The following DPYD variants were observed in gnomAD, a reference collection of about 807,000 sequenced individuals.
The protein encoded by DPYD is dihydropyrimidine dehydrogenase.
DPYD carries 109 observed loss-of-function variants against 116.2 expected under a neutral mutation model. The observed-to-expected ratio is 0.94, with a 90% CI of 0.80 to 1.10. DPYD has a LOEUF of 1.10. Among genes scored for constraint, DPYD ranks in the 50% least tolerant of loss-of-function variants. The pLI is 0.00. For synonymous variants in DPYD, 440 were observed against 432.0 expected (o/e 1.02, Z -0.23); for missense variants, 1,302 against 1,254.5 (o/e 1.04, Z -0.57).
chr1:97,887,468 T>C (rs1180563623), intron 1 of DPYD, among the ~76,000 whole-genome samples: 1 of 20,748 alleles, frequency 4.8e-5, no homozygotes, highest in Non-Finnish European at 8.6e-5. Context: ...AGACTCTGCA[T>C]TAAAAAAAAA....
At chr1:97,257,377 T>C (rs1021504600) in intron 18 of DPYD, among the ~76,000 whole-genome samples, 1 of 151,044 alleles carries the variant, frequency 6.6e-6, no homozygotes, top group African/African-American at 2.4e-5. Context: ...AAATGTATTT[T>C]CTGAGAGCAT....
At position 97,830,771 on chromosome 1, in the gene DPYD, A is replaced by T. The variant is rs141124359; in HGVS notation, c.151-2575T>A. 9.1e-3 allele frequency among the ~76,000 whole-genome samples: 1,389 copies of T among 151,974 alleles called. 25 individuals carry two copies. The highest frequency in any genetic ancestry group is 0.032 in the African/African-American group (1,319 of 41,466). On this transcript the variant is annotated intron_variant, in intron 2 of 22. Transcript: ENST00000370192. ...TGGACACTGAGAGACTGTAGTAGCCACACTGAGTAGCCACACTGAGCGCTC... is the reference window on the plus strand; with the variant it reads ...TGGACACTGAGAGACTGTAGTAGCCTCACTGAGTAGCCACACTGAGCGCTC...
intron 3 of DPYD, among the ~76,000 whole-genome samples, chr1:97,814,951 A>G (rs374579682): frequency 6.6e-6 from 1 of 150,880 alleles, no homozygotes; most frequent in African/African-American, 2.4e-5. Context: ...GAAAGAAAGA[A>G]AGAAAGGAGA....
intron 13 of DPYD, among the ~76,000 whole-genome samples, chr1:97,477,617 T>C: frequency 7.0e-6 from 1 of 142,060 alleles, no homozygotes; most frequent in Non-Finnish European, 1.5e-5. Context: ...TTTTTTTTTT[T>C]TTTTTTTTTT....
intron 4 of DPYD, among the ~76,000 whole-genome samples, chr1:97,724,294 GGGGGGGGGGGGGGGTGTGTGTGTGTGT>G (rs1376832787): frequency 6.7e-5 from 1 of 14,986 alleles, no homozygotes; most frequent in Non-Finnish European, 1.4e-4. Flanking sequence ...GGATGTATGT[GGGGGGGGGGGGGGGTGTGTGTGTGTGT>G]GTGTGTGTGT....
intron 1 of DPYD, among the ~76,000 whole-genome samples, chr1:97,903,146 T>A (rs1393354322): frequency 1.3e-5 from 2 of 151,884 alleles, no homozygotes; most frequent in African/African-American, 4.8e-5. Context: ...TTTACACACT[T>A]GTTAAGATTT....
intron 1 of DPYD, among the ~76,000 whole-genome samples, chr1:97,889,925 T>G (rs567271669): frequency 1.3e-5 from 2 of 151,566 alleles, no homozygotes; most frequent in African/African-American, 4.8e-5. Context: ...TGGAATAGAA[T>G]TAGATATCAA....
chr1:97,715,161 A>G (rs1357696630), intron 5 of DPYD, among the ~76,000 whole-genome samples: 1 of 152,068 alleles, frequency 6.6e-6, no homozygotes, highest in Non-Finnish European at 1.5e-5. Flanking sequence ...CCAAAATGGG[A>G]AAAAAATTAC....
At chr1:97,080,143 C>T (rs949872004) in intron 22 of DPYD, among the ~76,000 whole-genome samples, 4 of 151,908 alleles carry the variant, frequency 2.6e-5, no homozygotes, top group African/African-American at 9.7e-5. Flanking sequence ...ACTTGCCTGG[C>T]AGTCTCACTT....
chr1:97,766,585 C>T (rs1242158296), intron 3 of DPYD, among the ~76,000 whole-genome samples: 1 of 152,088 alleles, frequency 6.6e-6, no homozygotes, highest in Admixed American at 6.6e-5. Context: ...TTGTTAACAC[C>T]TCTGAAAGAA....
chr1:97,755,594 C>T (rs1429693993), intron 3 of DPYD, among the ~76,000 whole-genome samples: 1 of 152,176 alleles, frequency 6.6e-6, no homozygotes, highest in East Asian at 1.9e-4. Context: ...CAAATCATCC[C>T]TTCTTTCAAC....
chr1:97,911,313 A>G (rs1429905908), intron 1 of DPYD, among the ~76,000 whole-genome samples: 1 of 152,044 alleles, frequency 6.6e-6, no homozygotes, highest in Non-Finnish European at 1.5e-5. Context: ...GAAAGGGGTG[A>G]TGGGCACTAA....
At chr1:97,832,867 G>T (rs1669601994) in intron 2 of DPYD, among the ~76,000 whole-genome samples, 1 of 151,864 alleles carries the variant, frequency 6.6e-6, no homozygotes, top group African/African-American at 2.4e-5. Flanking sequence ...TAATATACAA[G>T]GAGATTTCAG....
intron 18 of DPYD, among the ~76,000 whole-genome samples, chr1:97,260,863 C>T (rs906366724): frequency 1.3e-5 from 2 of 151,918 alleles, no homozygotes; most frequent in Non-Finnish European, 2.9e-5. Flanking sequence ...GCAGACAGTC[C>T]AGAGGGAGTT....
intron 3 of DPYD, among the ~76,000 whole-genome samples, chr1:97,819,889 T>C (rs1198977083): frequency 6.6e-6 from 1 of 152,034 alleles, no homozygotes; most frequent in Non-Finnish European, 1.5e-5. Context: ...GAGAAATATA[T>C]CCATACATAT....
chr1:97,176,461 G>A (rs1334457823), intron 20 of DPYD, among the ~76,000 whole-genome samples: 1 of 152,186 alleles, frequency 6.6e-6, no homozygotes, highest in Non-Finnish European at 1.5e-5. Context: ...ATGCTCTCAT[G>A]TTTTTAGTAG....
At chr1:97,094,988 A>T (rs1333645891) in intron 21 of DPYD, among the ~76,000 whole-genome samples, 2 of 152,178 alleles carry the variant, frequency 1.3e-5, no homozygotes, top group African/African-American at 4.8e-5. Context: ...GAATCATATT[A>T]AACATATTTC....
At chr1:97,612,920 T>C (rs1656039785) in intron 8 of DPYD, among the ~76,000 whole-genome samples, 1 of 152,008 alleles carries the variant, frequency 6.6e-6, no homozygotes, top group Admixed American at 6.6e-5. Context: ...TGTTTTTTCA[T>C]TAAGAGTTTA....
Position 97,846,699 on chromosome 1 carries a change from T to C in DPYD, c.151-18503A>G, listed in dbSNP as rs183408495. On this transcript the variant is annotated intron_variant, in intron 2 of 22. Transcript: ENST00000370192. The stretch of plus-strand genomic sequence containing the variant: ...AATATTTGTTTATTTTGTTCAACAA[T>C]GATAATGTTTGCATTTATTCAAATT... 2.4e-3 allele frequency among the ~76,000 whole-genome samples: 364 copies of C among 152,360 alleles called. 2 individuals are homozygous for C. The highest frequency in any genetic ancestry group is 7.7e-3 in the African/African-American group (319 of 41,580).
Sources: gnomAD v4.1 joint callset for allele counts (sites outside exome capture counted in the v4.1 genomes callset) on GRCh38, gnomAD v4.1.1 for gene constraint, MANE v1.5 for transcripts, NCBI Gene and HGNC (gene_info 2026-07-23, HGNC 2026-07-21) for gene names.